The following PPM1H variants were observed in gnomAD, a reference collection of about 807,000 sequenced individuals.
PPM1H encodes protein phosphatase, Mg2+/Mn2+ dependent 1H.
PPM1H carries 27 observed loss-of-function variants against 54.9 expected under a neutral mutation model. The ratio of observed to expected loss-of-function variants is 0.49; its 90% confidence interval spans 0.36 to 0.68. The LOEUF (loss-of-function observed/expected upper bound fraction) is 0.68, where lower values mean the gene tolerates loss of function less well. Among genes scored for constraint, PPM1H ranks in the 30% least tolerant of loss-of-function variants. The probability of loss-of-function intolerance (pLI) is 0.00; values close to 1 mark genes in which losing one functional copy is unlikely to be tolerated. For synonymous variants in PPM1H, 305 were observed against 270.8 expected (o/e 1.13, Z -1.24); for missense variants, 596 against 667.8 (o/e 0.89, Z 1.19).
rs71450588 is a variant in PPM1H at position 62,652,389 on chromosome 12, ATTATT to A, written c.1398-3758_1398-3754del. 1.6e-3 allele frequency among the ~76,000 whole-genome samples: 210 copies of A among 131,158 alleles called. 1 individual carries two copies. Among genetic ancestry groups the A allele is most frequent in the Non-Finnish European group, 3.2e-3 (186 of 58,946 alleles). 86.0% of individuals were successfully genotyped at this position (131,158 alleles called of 152,430 possible). On this transcript the variant is annotated intron_variant, in intron 9 of 9. Transcript: ENST00000228705. ...ACCATGCCCAGCTAATAAACTTTGC[ATTATT>A]TTAAGTGTATTTTATTAGTAGCACA...
At chr12:62,832,866 A>G (rs1291963936) in intron 1 of PPM1H, among the ~76,000 whole-genome samples, 1 of 152,144 alleles carries the variant, frequency 6.6e-6, no homozygotes, top group East Asian at 1.9e-4. Flanking sequence ...GTCTTTTTTC[A>G]TGTAGAATAA....
At chr12:62,792,039 C>T (rs944937158) in intron 3 of PPM1H, among the ~76,000 whole-genome samples, 7 of 152,296 alleles carry the variant, frequency 4.6e-5, no homozygotes, top group Admixed American at 1.3e-4. Context: ...AAGGTAGAAA[C>T]GTTATGGTGC....
chr12:62,675,240 T>C (rs1211101512), intron 8 of PPM1H, among the ~76,000 whole-genome samples: 1 of 152,210 alleles, frequency 6.6e-6, no homozygotes, highest in African/African-American at 2.4e-5. Context: ...AGTTTCTTTC[T>C]AAACCAGCTA....
intron 6 of PPM1H, among the ~76,000 whole-genome samples, chr12:62,707,094 C>T (rs2076179333): frequency 6.6e-6 from 1 of 152,102 alleles, no homozygotes; most frequent in Non-Finnish European, 1.5e-5. Flanking sequence ...AGGATCAGGC[C>T]TTGGAGATGG....
chr12:62,805,365 A>G (rs2076800142), intron 2 of PPM1H, among the ~76,000 whole-genome samples: 1 of 152,240 alleles, frequency 6.6e-6, no homozygotes, highest in African/African-American at 2.4e-5. Context: ...GTTATATAAC[A>G]AAAGGAAATG....
In PPM1H at chr12:62,804,666, C is replaced by CTTTTTTTTTTTTTTTTTTTTTTTTTTT. The variant is rs1162966258; in HGVS notation, c.412-2507_412-2506insAAAAAAAAAAAAAAAAAAAAAAAAAAA. On this transcript the variant is annotated intron_variant, in intron 2 of 9. Coordinates refer to ENST00000228705, the MANE Select transcript of PPM1H (RefSeq NM_020700.2). ...TTTAATGCTTCATTTTGGTTAATTTCTTTTTTTTTCTTTTTTTTTTTTTTT... is the reference window on the plus strand; with the variant it reads ...TTTAATGCTTCATTTTGGTTAATTTCTTTTTTTTTTTTTTTTTTTTTTTTTTTTTTTTTTTTCTTTTTTTTTTTTTTT... 1.5e-5 allele frequency among the ~76,000 whole-genome samples: 2 copies of CTTTTTTTTTTTTTTTTTTTTTTTTTTT among 134,284 alleles called. 1 individual carries two copies. Among genetic ancestry groups the CTTTTTTTTTTTTTTTTTTTTTTTTTTT allele is most frequent in the African/African-American group, 5.9e-5 (2 of 34,030 alleles). The allele number at this position is 134,284 out of a possible 152,430, so 88.1% of individuals were successfully genotyped here.
At position 62,788,035 on chromosome 12, in the gene PPM1H, A is replaced by T. The variant is rs139697315; in HGVS notation, c.869+191T>A. On this transcript the variant is annotated intron_variant, in intron 4 of 9. Transcript: ENST00000228705. ...GTTTAGATTTATCACAGACGTGTACATGAAATGCTATATGCATAAGTAAGA... is the reference window on the plus strand; with the variant it reads ...GTTTAGATTTATCACAGACGTGTACTTGAAATGCTATATGCATAAGTAAGA... Among the ~76,000 whole-genome samples the T allele has an allele frequency of 5.5e-3, 837 of 152,362 alleles. 7 individuals carry two copies. Among genetic ancestry groups the T allele is most frequent in the African/African-American group, 0.02 (812 of 41,576 alleles).
At chr12:62,819,275 G>A (rs371611296) in intron 2 of PPM1H, among the ~76,000 whole-genome samples, 114 of 151,616 alleles carry the variant, frequency 7.5e-4, no homozygotes, top group African/African-American at 2.7e-3. Context: ...CATTACAGGC[G>A]CCTGCCACTG....
chr12:62,725,434 T>A (rs1425505350), intron 5 of PPM1H, among the ~76,000 whole-genome samples: 1 of 152,216 alleles, frequency 6.6e-6, no homozygotes, highest in Non-Finnish European at 1.5e-5. Flanking sequence ...TCTTTAACTC[T>A]GAAGACACAG....
chr12:62,817,138 A>AG (rs1565797654), intron 2 of PPM1H, among the ~76,000 whole-genome samples: 16 of 84,950 alleles, frequency 1.9e-4, no homozygotes, highest in African/African-American at 1.5e-3. Flanking sequence ...AAAAAAAAAG[A>AG]AAAAAAAAAA....
intron 1 of PPM1H, among the ~76,000 whole-genome samples, chr12:62,903,743 GT>G (rs1871228541): frequency 6.6e-6 from 1 of 151,844 alleles, no homozygotes; most frequent in South Asian, 2.1e-4. Context: ...GGGGAGTGGG[GT>G]GGGGGTCTAA....
At chr12:62,835,905 T>C (rs934212032) in intron 1 of PPM1H, among the ~76,000 whole-genome samples, 22 of 152,354 alleles carry the variant, frequency 1.4e-4, no homozygotes, top group African/African-American at 5.0e-4. Context: ...CTTTGTTAAC[T>C]ATATGTGAAC....
chr12:62,896,149 T>C (rs1043912846), intron 1 of PPM1H, among the ~76,000 whole-genome samples: 8 of 152,180 alleles, frequency 5.3e-5, no homozygotes, highest in Non-Finnish European at 1.2e-4. Context: ...ATTGCAACGA[T>C]GTTTGCTTCC....
At chr12:62,684,785 G>C (rs539858195) in intron 8 of PPM1H, among the ~76,000 whole-genome samples, 103 of 152,286 alleles carry the variant, frequency 6.8e-4, no homozygotes, top group African/African-American at 2.4e-3. Flanking sequence ...GAGAGAGGAA[G>C]TGGGTCAGTT....
At chr12:62,825,675 T>G (rs901626375) in intron 2 of PPM1H, among the ~76,000 whole-genome samples, 1 of 151,228 alleles carries the variant, frequency 6.6e-6, no homozygotes, top group Non-Finnish European at 1.5e-5. Flanking sequence ...TAGGTGGGAG[T>G]TGAACAATAA....
At chr12:62,660,648 G>A (rs57456230) in intron 9 of PPM1H, among the ~76,000 whole-genome samples, 2,867 of 152,108 alleles carry the variant, frequency 0.019, 78 homozygotes, top group African/African-American at 0.065. Flanking sequence ...TGCAGAAAAA[G>A]GAAACCAGAG....
At chr12:62,891,232 G>A (rs1870786753) in intron 1 of PPM1H, among the ~76,000 whole-genome samples, 1 of 151,810 alleles carries the variant, frequency 6.6e-6, no homozygotes, top group South Asian at 2.1e-4. Context: ...ATATACGAAT[G>A]GAAATACTCA....
At chr12:62,891,329 A>G (rs762722156) in intron 1 of PPM1H, among the ~76,000 whole-genome samples, 71 of 152,186 alleles carry the variant, frequency 4.7e-4, no homozygotes, top group Admixed American at 4.4e-3. Flanking sequence ...AGATCAACCA[A>G]TAAGATGAAC....
At chr12:62,687,548 G>A (rs1023185661) in intron 8 of PPM1H, among the ~76,000 whole-genome samples, 4 of 151,456 alleles carry the variant, frequency 2.6e-5, no homozygotes, top group African/African-American at 9.7e-5. Context: ...ACCATAGCCG[G>A]CCTTCTTGCA....
Sources: gnomAD v4.1 joint callset for allele counts (sites outside exome capture counted in the v4.1 genomes callset) on GRCh38, gnomAD v4.1.1 for gene constraint, MANE v1.5 for transcripts, NCBI Gene and HGNC (gene_info 2026-07-23, HGNC 2026-07-21) for gene names.